The following ELP4 variants were observed in gnomAD, a reference collection of about 807,000 sequenced individuals.
ELP4 encodes elongator complex protein 4.
A neutral mutation model predicts 48.9 loss-of-function variants in ELP4; 51 were observed. The observed-to-expected ratio is 1.04, with a 90% confidence interval of 0.83 to 1.32. ELP4 has a LOEUF of 1.32. ELP4 is among the 40% of genes most tolerant of loss of function. The pLI is 0.00. For missense variants in ELP4, 519 were observed against 514.6 expected, an observed-to-expected ratio of 1.01 and a Z score of -0.08; for synonymous variants, 210 against 189.2, an observed-to-expected ratio of 1.11 and a Z score of -0.90.
At chr11:31,626,211 A>T (rs1944740651) in intron 5 of ELP4, among the ~76,000 whole-genome samples, 2 of 151,756 alleles carry the variant, frequency 1.3e-5, no homozygotes, top group Admixed American at 6.6e-5. Flanking sequence ...ATTAGATTTC[A>T]TTCTTTCTTT....
intron 9 of ELP4, among the ~76,000 whole-genome samples, chr11:31,658,417 T>G (rs891860354): frequency 1.3e-5 from 2 of 151,626 alleles, no homozygotes; most frequent in African/African-American, 4.8e-5. Flanking sequence ...TGATATTCTG[T>G]TTTTTACTTA....
At chr11:31,762,878 TA>T (rs1274998613) in intron 9 of ELP4, among the ~76,000 whole-genome samples, 2 of 151,740 alleles carry the variant, frequency 1.3e-5, no homozygotes, top group Non-Finnish European at 2.9e-5. Flanking sequence ...CAATATAATA[TA>T]AATAATGATC....
At chr11:31,590,335 T>C (rs1022908655) in intron 3 of ELP4, among the ~76,000 whole-genome samples, 4 of 152,168 alleles carry the variant, frequency 2.6e-5, no homozygotes, top group African/African-American at 9.7e-5. Flanking sequence ...ATATTGGTAC[T>C]CAATAATAAT....
chr11:31,617,838 G>T (rs1203169573), intron 5 of ELP4, among the ~76,000 whole-genome samples: 1 of 151,710 alleles, frequency 6.6e-6, no homozygotes, highest in African/African-American at 2.4e-5. Context: ...TGACAAGGAT[G>T]TGAAGAAATC....
At chr11:31,748,855 T>C (rs969211211) in intron 9 of ELP4, among the ~76,000 whole-genome samples, 1 of 151,998 alleles carries the variant, frequency 6.6e-6, no homozygotes, top group African/African-American at 2.4e-5. Flanking sequence ...TAAAGTAAAA[T>C]TTTGCAGAAT....
At chr11:31,518,436 G>A (rs1956157489) in intron 1 of ELP4, among the ~76,000 whole-genome samples, 1 of 150,114 alleles carries the variant, frequency 6.7e-6, no homozygotes, top group South Asian at 2.1e-4. Context: ...GATTTTTAAT[G>A]ATTCACCATT....
At chr11:31,579,038 C>A (rs963096594) in intron 3 of ELP4, among the ~76,000 whole-genome samples, 1 of 152,150 alleles carries the variant, frequency 6.6e-6, no homozygotes, top group African/African-American at 2.4e-5. Context: ...ACAATCTACC[C>A]ATCTGACTAA....
At chr11:31,647,396 A>G (rs1216583636) in intron 7 of ELP4, 1 of 193,614 alleles carries the variant, frequency 5.2e-6, no homozygotes, top group Non-Finnish European at 1.1e-5. Context: ...AGTAATTTGA[A>G]AAATAATCAT....
Position 31,654,209 on chromosome 11 carries a change from G to A in ELP4, c.1143+3988G>A, listed in dbSNP as rs897607016. On this transcript the variant is annotated intron_variant, in intron 9 of 9. Transcript: ENST00000640961. ...GGTGTTTCTAAGTTCAAGTCAGAGA[G>A]TACAGTAACTGGGTTAACACTGAAA... The A allele has an allele frequency of 2.0e-5, 3 of 150,404 alleles. No individual in the cohort carries two copies. In the Admixed American group the frequency reaches 2.0e-4, roughly 10 times the overall value. 9.3% of individuals were successfully genotyped at this position (150,404 alleles called of 1,614,324 possible).
intron 7 of ELP4, chr11:31,633,246 C>T (rs1254740734): frequency 6.6e-6 from 1 of 151,978 alleles, no homozygotes; most frequent in East Asian, 1.9e-4. Flanking sequence ...TAGTTACATT[C>T]ATTATATACA....
intron 1 of ELP4, among the ~76,000 whole-genome samples, chr11:31,514,037 A>ACATAATCTG (rs930731971): frequency 1.3e-5 from 2 of 152,202 alleles, no homozygotes; most frequent in Non-Finnish European, 2.9e-5. Context: ...ATAATTATTG[A>ACATAATCTG]AGAGTAGTCA....
At chr11:31,767,386 G>C (rs1307913616) in intron 9 of ELP4, 1 of 75,882 alleles carries the variant, frequency 1.3e-5, no homozygotes, top group Admixed American at 1.3e-4. Flanking sequence ...AGACCTCCTT[G>C]TAAAAAAAAA....
chr11:31,622,049 G>A (rs1391059277), intron 5 of ELP4, among the ~76,000 whole-genome samples: 2 of 151,776 alleles, frequency 1.3e-5, no homozygotes, highest in Admixed American at 6.6e-5. Flanking sequence ...TCTATTCATC[G>A]AATGTGGTGA....
Position 31,718,370 on chromosome 11 carries a change from G to A in ELP4, c.1144-65023G>A, listed in dbSNP as rs192788804. Among the ~76,000 whole-genome samples the A allele has an allele frequency of 1.2e-3, 181 of 152,314 alleles. 1 individual carries two copies. Among genetic ancestry groups the A allele is most frequent in the African/African-American group, 4.2e-3 (174 of 41,566 alleles). Reference sequence around the variant, plus strand: ...TGCTTTCTGGTTTGCTTTGCAGAATGAGGAGTAAAAAAGGGCTATTCTGGT... The same window carrying A: ...TGCTTTCTGGTTTGCTTTGCAGAATAAGGAGTAAAAAAGGGCTATTCTGGT... On this transcript the variant is annotated intron_variant, in intron 9 of 9. Coordinates refer to ENST00000640961, the MANE Select transcript of ELP4 (RefSeq NM_019040.5).
In ELP4 at chr11:31,786,282, G is replaced by A. The variant is rs1215522046; in HGVS notation, c.*2758G>A. The A allele has an allele frequency of 4.8e-6, 1 of 209,572 alleles. No individual in the cohort carries two copies. Among genetic ancestry groups the A allele is most frequent in the Non-Finnish European group, 9.7e-6 (1 of 102,996 alleles). The allele number at this position is 209,572 out of a possible 1,614,324, so 13.0% of individuals were successfully genotyped here. ...AGTGGGGGGACCCCCCTATTCATTTGTTTAAGCCCATTATTAATGTCATTT... is the reference window on the plus strand; with the variant it reads ...AGTGGGGGGACCCCCCTATTCATTTATTTAAGCCCATTATTAATGTCATTT... On this transcript the variant is annotated 3_prime_UTR_variant, in exon 10 of 10. Coordinates refer to ENST00000640961, the MANE Select transcript of ELP4 (RefSeq NM_019040.5).
chr11:31,545,656 A>C (rs980891254), intron 3 of ELP4, among the ~76,000 whole-genome samples: 24 of 152,160 alleles, frequency 1.6e-4, no homozygotes, highest in Non-Finnish European at 1.9e-4. Context: ...ACTCCTCGAG[A>C]GGAGCAACTG....
At chr11:31,650,020 G>A (rs1945287297) in intron 8 of ELP4, 95 bp from the exon 9 acceptor site, 2 of 523,368 alleles carry the variant, frequency 3.8e-6, no homozygotes, top group South Asian at 3.4e-5. Context: ...GGATGCTTGT[G>A]TGTAAATTTA....
chr11:31,676,830 A>G (rs1171050913), intron 9 of ELP4, among the ~76,000 whole-genome samples: 6 of 152,184 alleles, frequency 3.9e-5, no homozygotes, highest in Admixed American at 3.9e-4. Context: ...GAGACTCCAA[A>G]GGCCAAGCCC....
chr11:31,571,606 A>G (rs142475597), intron 3 of ELP4, among the ~76,000 whole-genome samples: 53 of 152,352 alleles, frequency 3.5e-4, no homozygotes, highest in African/African-American at 1.3e-3. Context: ...CATCAGAGGA[A>G]TCACTATCTA....
Sources: gnomAD v4.1 joint callset for allele counts (sites outside exome capture counted in the v4.1 genomes callset) on GRCh38, gnomAD v4.1.1 for gene constraint, MANE v1.5 for transcripts, NCBI Gene and HGNC (gene_info 2026-07-23, HGNC 2026-07-21) for gene names.